The following JHY variants were observed in gnomAD, a reference collection of about 807,000 sequenced individuals.
JHY encodes junctional cadherin complex regulator.
Under a neutral mutation model 78.0 loss-of-function variants are expected in JHY, and 69 were observed. The observed-to-expected ratio is 0.88, with a 90% confidence interval of 0.73 to 1.08. The LOEUF (loss-of-function observed/expected upper bound fraction) is 1.08, where lower values mean the gene tolerates loss of function less well. Among genes scored for constraint, JHY ranks in the 50% least tolerant of loss-of-function variants. The pLI is 0.00. For missense variants in JHY, 944 were observed against 927.8 expected (o/e 1.02, Z -0.23); for synonymous variants, 368 against 342.6 (o/e 1.07, Z -0.82).
chr11:122,954,493 A>G (rs139433859), intron 6 of JHY, among the ~76,000 whole-genome samples: 2 of 152,352 alleles, frequency 1.3e-5, no homozygotes, highest in East Asian at 3.9e-4. Context: ...GTTCATTTTT[A>G]AGATTGGAGA....
intron 2 of JHY, among the ~76,000 whole-genome samples, chr11:122,892,616 C>T (rs1283097277): frequency 1.3e-5 from 2 of 152,156 alleles, no homozygotes; most frequent in Non-Finnish European, 2.9e-5. Flanking sequence ...GCCACCGCGC[C>T]TGGCCAATAA....
At chr11:122,948,534 T>G (rs1864015518) in intron 6 of JHY, among the ~76,000 whole-genome samples, 1 of 151,316 alleles carries the variant, frequency 6.6e-6, no homozygotes, top group Admixed American at 6.6e-5. Context: ...CTATGACCCC[T>G]CCTCAGAGGA....
At chr11:122,907,691 G>A (rs146124488) in intron 3 of JHY, among the ~76,000 whole-genome samples, 41 of 152,012 alleles carry the variant, frequency 2.7e-4, no homozygotes, top group African/African-American at 7.0e-4. Flanking sequence ...TTAAAAATAC[G>A]AAATTAGCCT....
chr11:122,956,768 G>A (rs923196831), intron 7 of JHY, among the ~76,000 whole-genome samples, 192 bp downstream of exon 7: 1 of 152,142 alleles, frequency 6.6e-6, no homozygotes, highest in Admixed American at 6.5e-5. Context: ...TATTTAGCCC[G>A]TGTTGTTTTA....
chr11:122,944,428 T>C (rs1207184457), intron 5 of JHY, among the ~76,000 whole-genome samples: 1 of 152,198 alleles, frequency 6.6e-6, no homozygotes, highest in East Asian at 1.9e-4. Flanking sequence ...ACTTAACTAG[T>C]CTAGCATTAA....
At chr11:122,915,627 G>A (rs544587142) in intron 3 of JHY, among the ~76,000 whole-genome samples, 10 of 152,116 alleles carry the variant, frequency 6.6e-5, no homozygotes, top group African/African-American at 2.2e-4. Flanking sequence ...ATTCTCCTGC[G>A]TCAGCCTCCC....
In JHY at chr11:122,946,484, T is replaced by C. The variant is rs745475056; in HGVS notation, c.1635-14T>C. On this transcript the variant is annotated splice_polypyrimidine_tract_variant and intron_variant, in intron 5 of 8. Transcript: ENST00000227349. ...TTTTATTAATAGATTTGTGCCTTTT[T>C]TTTTTTCATTAAGGAAATTCCATTC... The C allele has an allele frequency of 5.1e-6, 8 of 1,555,622 alleles. No individual in the cohort carries two copies. The highest frequency in any genetic ancestry group is 4.9e-5 in the South Asian group (4 of 82,116).
At chr11:122,914,690 G>T (rs537477181) in intron 3 of JHY, among the ~76,000 whole-genome samples, 1 of 152,002 alleles carries the variant, frequency 6.6e-6, no homozygotes. Flanking sequence ...TGATCTGCCC[G>T]CCTCAGCCTC....
rs912137958 is a variant in JHY at position 122,959,149 on chromosome 11, A to G, written c.2140-99A>G. On this transcript the variant is annotated intron_variant, in intron 8 of 8. Transcript: ENST00000227349. ...CAATGTCTTAGTAAGTTATAGTGAT[A>G]GTCTCCATTTATATTATAAATAAAC... 7.8e-6 allele frequency: 11 copies of G among 1,417,714 alleles called. No individual in the cohort carries two copies. The Admixed American group carries it at 1.2e-4, about 15-fold the overall frequency. The allele number at this position is 1,417,714 out of a possible 1,614,324, so 87.8% of individuals were successfully genotyped here.
At chr11:122,959,206 T>G (rs777465836) in intron 8 of JHY, 42 bp from the exon 9 acceptor site, 2 of 1,571,038 alleles carry the variant, frequency 1.3e-6, no homozygotes. Flanking sequence ...GAATCCAGGC[T>G]CACTTCCCAT....
intron 7 of JHY, among the ~76,000 whole-genome samples, chr11:122,957,125 T>C (rs1342302510): frequency 6.6e-6 from 1 of 152,240 alleles, no homozygotes; most frequent in Non-Finnish European, 1.5e-5. Context: ...ATTTAGCCCC[T>C]GTTAAGGGAA....
At chr11:122,909,735 C>T (rs921044144) in intron 3 of JHY, among the ~76,000 whole-genome samples, 4 of 151,730 alleles carry the variant, frequency 2.6e-5, no homozygotes, top group African/African-American at 4.8e-5. Flanking sequence ...GCCAAGATTG[C>T]GCCACTGCAC....
chr11:122,885,145 G>T (rs543775823), intron 1 of JHY, among the ~76,000 whole-genome samples: 47 of 151,884 alleles, frequency 3.1e-4, no homozygotes, highest in Non-Finnish European at 4.6e-4. Context: ...ACCGGATGAG[G>T]TTGATCTCCA....
At chr11:122,896,598 A>T (rs957034898) in intron 2 of JHY, among the ~76,000 whole-genome samples, 10 of 152,172 alleles carry the variant, frequency 6.6e-5, no homozygotes, top group Non-Finnish European at 1.3e-4. Context: ...CTTTCAGGCC[A>T]TTAGGGAACC....
intron 2 of JHY, among the ~76,000 whole-genome samples, chr11:122,900,708 G>C (rs1040666775): frequency 6.6e-6 from 1 of 152,054 alleles, no homozygotes; most frequent in South Asian, 2.1e-4. Context: ...CTGACCTATC[G>C]ACTGAGCTTC....
Position 122,935,824 on chromosome 11 carries a change from G to A in JHY, c.1634+749G>A, listed in dbSNP as rs936032762. ...AATAGGGAATGTTTAGGTAAATTAT[G>A]ATATTTAGTATCATGGAACCACTAA... On this transcript the variant is annotated intron_variant, in intron 5 of 8. Coordinates refer to ENST00000227349, the MANE Select transcript of JHY (RefSeq NM_024806.4). The surrounding 1 kb of genome is among the most constrained non-coding windows in gnomAD (Gnocchi z 4.5). Among the ~76,000 whole-genome samples the A allele has an allele frequency of 2.0e-5, 3 of 152,118 alleles. No individual in the cohort carries two copies. Among genetic ancestry groups the A allele is most frequent in the African/African-American group, 7.2e-5 (3 of 41,422 alleles).
chr11:122,937,143 G>A (rs1452763759), intron 5 of JHY, among the ~76,000 whole-genome samples: 6 of 151,382 alleles, frequency 4.0e-5, no homozygotes, highest in Non-Finnish European at 8.8e-5. Flanking sequence ...CTTTTATGCT[G>A]TCTTAAAATG....
chr11:122,959,843 T>C lies in JHY; in HGVS notation c.*398T>C, dbSNP rs7126962. The C allele has an allele frequency of 0.53, 85,780 of 160,354 alleles. 23,593 individuals carry two copies. The highest frequency in any genetic ancestry group is 0.58 in the Non-Finnish European group (42,676 of 73,836). The allele number at this position is 160,354 out of a possible 1,614,324, so 9.9% of individuals were successfully genotyped here. On this transcript the variant is annotated 3_prime_UTR_variant, in exon 9 of 9. Transcript: ENST00000227349. ...CTAGTAAGAAAAACAAGTATAAACA[T>C]TTCAGTTTCTCCTAAAATGAACTCA... is the stretch of plus-strand genomic sequence containing the variant.
intron 6 of JHY, among the ~76,000 whole-genome samples, chr11:122,950,904 A>G (rs1263800973): frequency 2.0e-5 from 3 of 152,192 alleles, no homozygotes; most frequent in Non-Finnish European, 4.4e-5. Context: ...CCTGCTTTCT[A>G]TCAGGAATGT....
Sources: allele counts gnomAD v4.1 joint callset (sites outside exome capture counted in the v4.1 genomes callset), GRCh38; gene constraint gnomAD v4.1.1; non-coding constraint Gnocchi (gnomAD v3.1); transcripts MANE v1.5; gene names NCBI Gene and HGNC (gene_info 2026-07-23, HGNC 2026-07-21).